Variants in ZNF221 observed in about 807,000 individuals in gnomAD.
ZNF221 encodes zinc finger protein 221.
ZNF221 carries 10 observed loss-of-function variants against 12.6 expected under a neutral mutation model. That is an observed-to-expected ratio of 0.79 (90% CI 0.49 to 1.34). The LOEUF is 1.34. ZNF221 is among the 40% of genes most tolerant of loss of function. The pLI is 0.00. For missense variants in ZNF221, 661 were observed against 721.4 expected, an observed-to-expected ratio of 0.92 and a Z score of 0.96; for synonymous variants, 232 against 244.0, an observed-to-expected ratio of 0.95 and a Z score of 0.46.
chr19:43,975,089 T>C, the ZNF221 span, among the ~76,000 whole-genome samples: 4 of 151,908 alleles, frequency 2.6e-5, no homozygotes, highest in Non-Finnish European at 4.4e-5. Context: ...TGCTTTTACA[T>C]TGTTAGTGGG....
intron 3 of ZNF221, 75 bp from the exon 4 acceptor site, chr19:43,965,158 C>G: frequency 6.3e-7 from 1 of 1,595,650 alleles, no homozygotes; most frequent in Non-Finnish European, 8.5e-7. Flanking sequence ...CATTGGGAAC[C>G]TAAATTTCCA....
At position 43,966,555 on chromosome 19, in the gene ZNF221, A is replaced by G; in HGVS notation, c.1053A>G (p.Ser351=). 6.2e-7 allele frequency: 1 copy of G among 1,614,224 alleles called. No individual in the cohort carries two copies. The highest frequency in any genetic ancestry group is 8.5e-7 in the Non-Finnish European group (1 of 1,180,030). ...GTGGCAAGAACTTTCGTCAGAGATC[A>G]GCACTTAATAGTCATTCCATGGTCC... ...DTCGKNFRQR[S]ALNSHSMVHI... Residue 351 remains serine, a synonymous_variant, in exon 5 of 5, where the codon TCA becomes TCG. Transcript: ENST00000587682.
At position 43,965,057 on chromosome 19, in the gene ZNF221, C is replaced by T. The variant is rs1006224610; in HGVS notation, c.189C>T (p.Phe63=). Residue 63 remains phenylalanine, a synonymous_variant, in exon 3 of 5, where the codon TTC becomes TTT. Coordinates refer to ENST00000587682, the MANE Select transcript of ZNF221 (RefSeq NM_001297588.2). The part of the protein sequence containing the change: ...KLYRDVMLEN[F]RNLLSVGNQP... ...ACCGAGATGTGATGCTAGAGAACTTCAGGAACCTGCTCTCAGTAGGTGAGG... is the reference window on the plus strand; with the variant it reads ...ACCGAGATGTGATGCTAGAGAACTTTAGGAACCTGCTCTCAGTAGGTGAGG... The T allele has an allele frequency of 6.2e-7, 1 of 1,614,192 alleles. No homozygotes were observed. The highest frequency in any genetic ancestry group is 8.5e-7 in the Non-Finnish European group (1 of 1,180,024).
intron 1 of ZNF221, among the ~76,000 whole-genome samples, chr19:43,954,788 GA>G (rs980041237): frequency 2.0e-4 from 30 of 148,142 alleles, no homozygotes; most frequent in Middle Eastern, 3.4e-3. Flanking sequence ...GGGGAAGAAG[GA>G]AAAAAAAAAG....
the ZNF221 span, among the ~76,000 whole-genome samples, chr19:43,981,269 A>C: frequency 2.6e-5 from 4 of 152,264 alleles, no homozygotes; most frequent in South Asian, 8.3e-4. Flanking sequence ...GCAAAACTTT[A>C]AAAATGTTGT....
chr19:43,957,802 T>A (rs1482619627), intron 1 of ZNF221, among the ~76,000 whole-genome samples: 1 of 152,144 alleles, frequency 6.6e-6, no homozygotes, highest in Non-Finnish European at 1.5e-5. Context: ...TTTGCAAGAG[T>A]TAAGATGTCA....
chr19:43,952,414 A>G (rs1035821973), intron 1 of ZNF221, among the ~76,000 whole-genome samples: 1 of 152,160 alleles, frequency 6.6e-6, no homozygotes, highest in African/African-American at 2.4e-5. Flanking sequence ...GTTCACATCT[A>G]TTGTAGGATG....
chr19:43,955,198 A>G (rs1346145976), intron 1 of ZNF221, among the ~76,000 whole-genome samples: 3 of 151,980 alleles, frequency 2.0e-5, no homozygotes, highest in Non-Finnish European at 4.4e-5. Flanking sequence ...ACTGCTGTCA[A>G]GACCCATCTG....
the ZNF221 span, among the ~76,000 whole-genome samples, chr19:43,973,288 TATC>T: frequency 6.6e-6 from 1 of 152,028 alleles, no homozygotes; most frequent in Non-Finnish European, 1.5e-5. Context: ...CCACAGCCAA[TATC>T]ATACTGAGTG....
At position 43,966,094 on chromosome 19, in the gene ZNF221, C is replaced by G. The variant is rs750457544; in HGVS notation, c.592C>G (p.His198Asp). 23 of 1,614,102 alleles carry G rather than the reference C, an allele frequency of 1.4e-5. No individual in the cohort carries two copies. In the Admixed American group the frequency reaches 3.3e-4, roughly 23 times the overall value. ...HQQSHSGEKSHTCGECGKSFC... is the reference protein window; with the variant it reads ...HQQSHSGEKSDTCGECGKSFC... ...ACAATCACACTCAGGAGAGAAATCT[C>G]ATACATGTGGTGAGTGTGGAAAAAG... Residue 198 changes from histidine to aspartate, a missense_variant, in exon 5 of 5, where the codon CAT becomes GAT. By Grantham distance (81) the His-to-Asp change is moderately conservative. Coordinates refer to ENST00000587682, the MANE Select transcript of ZNF221 (RefSeq NM_001297588.2).
downstream of ZNF221, among the ~76,000 whole-genome samples, chr19:43,968,954 G>A (rs1433659601): frequency 4.6e-5 from 7 of 152,156 alleles, no homozygotes; most frequent in East Asian, 1.9e-4. Context: ...TTGGCAGAGC[G>A]GCCTCTCAGG....
downstream of ZNF221, among the ~76,000 whole-genome samples, chr19:43,971,434 A>G (rs947112069): frequency 6.6e-6 from 1 of 152,206 alleles, no homozygotes; most frequent in East Asian, 1.9e-4. Flanking sequence ...AAATAGGCTA[A>G]ATGCCCCAAT....
intron 3 of ZNF221, 28 bp downstream of exon 3, chr19:43,965,104 A>G: frequency 1.2e-6 from 2 of 1,610,414 alleles, no homozygotes; most frequent in Non-Finnish European, 8.5e-7. Context: ...CTGTAACAGA[A>G]TGTTAGGCCC....
the ZNF221 span, chr19:43,976,774 T>C: frequency 1.3e-5 from 2 of 152,250 alleles, no homozygotes; most frequent in Non-Finnish European, 2.9e-5. Context: ...TATTCATTAT[T>C]GGAGCAAGAG....
At chr19:43,963,904 G>A (rs993419237) in intron 2 of ZNF221, among the ~76,000 whole-genome samples, 9 of 152,074 alleles carry the variant, frequency 5.9e-5, no homozygotes, top group African/African-American at 9.7e-5. Context: ...GTGTTCACTC[G>A]GAAGAGTGGG....
intron 1 of ZNF221, among the ~76,000 whole-genome samples, chr19:43,953,194 GC>G (rs1233341691): frequency 2.0e-5 from 3 of 150,850 alleles, no homozygotes; most frequent in African/African-American, 4.9e-5. Flanking sequence ...TAGGTGATCT[GC>G]CCACCTCAGC....
chr19:43,973,800 AT>A, the ZNF221 span, among the ~76,000 whole-genome samples: 1 of 152,246 alleles, frequency 6.6e-6, no homozygotes, highest in Admixed American at 6.5e-5. Context: ...AAGAATCAAT[AT>A]TGTGAAATGG....
At chr19:43,970,366 A>G (rs1396230934), downstream of ZNF221, among the ~76,000 whole-genome samples, 1 of 152,198 alleles carries the variant, frequency 6.6e-6, no homozygotes, top group Non-Finnish European at 1.5e-5. Context: ...CCTCTTCTCC[A>G]AATGACTACA....
chr19:43,964,808 G>T (rs944421255), intron 2 of ZNF221, 142 bp from the exon 3 acceptor site: 1 of 1,115,874 alleles, frequency 9.0e-7, no homozygotes, highest in African/African-American at 1.6e-5. Flanking sequence ...TAGGCAGAAT[G>T]AGTGGGAAAT....
Sources: allele counts gnomAD v4.1 joint callset (sites outside exome capture counted in the v4.1 genomes callset), GRCh38; gene constraint gnomAD v4.1.1; transcripts MANE v1.5; gene names NCBI Gene and HGNC (gene_info 2026-07-23, HGNC 2026-07-21).